The following GKAP1 variants were observed in gnomAD, a reference collection of about 807,000 sequenced individuals.
GKAP1 encodes G kinase anchoring protein 1.
GKAP1 carries 31 observed loss-of-function variants against 56.7 expected under a neutral mutation model. The ratio of observed to expected loss-of-function variants is 0.55; its 90% CI spans 0.41 to 0.74. The LOEUF (loss-of-function observed/expected upper bound fraction) is 0.74, where lower values mean the gene tolerates loss of function less well. GKAP1 is among the 30% of genes least tolerant of loss of function. GKAP1 has a pLI of 0.00. For missense variants in GKAP1, 364 were observed against 402.3 expected (o/e 0.90, Z 0.82); for synonymous variants, 151 against 138.6 (o/e 1.09, Z -0.63).
At chr9:83,805,338 G>A (rs563240048) in intron 3 of GKAP1, among the ~76,000 whole-genome samples, 4 of 152,146 alleles carry the variant, frequency 2.6e-5, no homozygotes, top group African/African-American at 7.2e-5. Flanking sequence ...GCGGAAGGCC[G>A]CAGGGTCCTC....
intron 8 of GKAP1, among the ~76,000 whole-genome samples, chr9:83,764,541 T>C (rs1343859754): frequency 2.0e-5 from 3 of 152,066 alleles, no homozygotes; most frequent in East Asian, 1.9e-4. Context: ...GGGGCTGCTA[T>C]AAAGATACCT....
At chr9:83,771,695 A>G (rs919677724) in intron 7 of GKAP1, among the ~76,000 whole-genome samples, 2 of 152,218 alleles carry the variant, frequency 1.3e-5, no homozygotes, top group Non-Finnish European at 2.9e-5. Context: ...GCTAAGGGAT[A>G]CAGGCATAAC....
intron 12 of GKAP1, among the ~76,000 whole-genome samples, chr9:83,740,458 A>G (rs564516450): frequency 2.7e-4 from 41 of 152,310 alleles, no homozygotes; most frequent in Non-Finnish European, 4.6e-4. Flanking sequence ...TGCAAAGAAT[A>G]AAATTAAAAT....
intron 5 of GKAP1, among the ~76,000 whole-genome samples, chr9:83,786,478 T>G (rs1587723968): frequency 6.6e-6 from 1 of 150,734 alleles, no homozygotes; most frequent in South Asian, 2.1e-4. Context: ...GAGGCGGGGG[T>G]TGTGGTGAAC....
At chr9:83,753,226 A>C (rs1943422446) in intron 9 of GKAP1, 32 bp downstream of exon 9, 2 of 1,251,736 alleles carry the variant, frequency 1.6e-6, no homozygotes, top group Non-Finnish European at 2.3e-6. Context: ...TTATAGAATT[A>C]TTTTCTTTAA....
chr9:83,786,196 AC>A (rs1398341880), intron 5 of GKAP1, among the ~76,000 whole-genome samples: 2 of 152,242 alleles, frequency 1.3e-5, no homozygotes, highest in Non-Finnish European at 2.9e-5. Flanking sequence ...CTCAAGGGGC[AC>A]ACTTTGGCTA....
intron 7 of GKAP1, among the ~76,000 whole-genome samples, chr9:83,771,780 A>G (rs919143078): frequency 1.3e-5 from 2 of 152,356 alleles, no homozygotes; most frequent in Middle Eastern, 6.8e-3. Flanking sequence ...AAATACAGAA[A>G]TGCTAAAAAC....
At position 83,816,031 on chromosome 9, in the gene GKAP1, C is replaced by CAAAAA. The variant is rs72114457; in HGVS notation, c.-44+960_-44+964dup. 2.5e-4 allele frequency among the ~76,000 whole-genome samples: 23 copies of CAAAAA among 91,420 alleles called. 1 individual carries two copies. Among genetic ancestry groups the CAAAAA allele is most frequent in the African/African-American group, 8.1e-4 (21 of 25,880 alleles). 60.0% of individuals were successfully genotyped at this position (91,420 alleles called of 152,430 possible). On this transcript the variant is annotated intron_variant, in intron 2 of 12. Transcript: ENST00000376371. ...CGAAACACCGTCTGTATTAAAAATACAAAAAAAAAAAAAAAAAAAATTAGC... is the reference window on the plus strand; with the variant it reads ...CGAAACACCGTCTGTATTAAAAATACAAAAAAAAAAAAAAAAAAAAAAAAATTAGC...
chr9:83,788,488 GA>G (rs1186637259), intron 5 of GKAP1, 112 bp downstream of exon 5: 11 of 584,118 alleles, frequency 1.9e-5, no homozygotes, highest in Non-Finnish European at 3.3e-5. Context: ...TTATGGTAAT[GA>G]ATTTTTGGAC....
chr9:83,752,367 G>A (rs1317747389), intron 9 of GKAP1, among the ~76,000 whole-genome samples: 2 of 152,184 alleles, frequency 1.3e-5, no homozygotes, highest in African/African-American at 4.8e-5. Context: ...GGTGAGCCAA[G>A]ACTGTGCCAC....
At chr9:83,805,743 G>A (rs748648035) in intron 3 of GKAP1, among the ~76,000 whole-genome samples, 9 of 152,098 alleles carry the variant, frequency 5.9e-5, no homozygotes, top group Non-Finnish European at 1.3e-4. Context: ...ATCTATAAAT[G>A]ACCTGTTTCC....
At chr9:83,793,022 T>A (rs907149783) in intron 4 of GKAP1, 1 of 1,273,972 alleles carries the variant, frequency 7.8e-7, no homozygotes, top group African/African-American at 1.5e-5. Context: ...CCCCATCTAG[T>A]AGTAAAACAT....
At chr9:83,744,131 T>C (rs1564186603) in intron 10 of GKAP1, among the ~76,000 whole-genome samples, 1 of 152,194 alleles carries the variant, frequency 6.6e-6, no homozygotes, top group African/African-American at 2.4e-5. Context: ...CTTTTACAAA[T>C]TATGCTTTCT....
At chr9:83,795,404 G>A (rs553389684) in intron 4 of GKAP1, among the ~76,000 whole-genome samples, 1 of 152,020 alleles carries the variant, frequency 6.6e-6, no homozygotes, top group Non-Finnish European at 1.5e-5. Flanking sequence ...ATAGATACAA[G>A]TTAGCTGCTA....
At chr9:83,758,931 G>A (rs1943522825) in intron 8 of GKAP1, among the ~76,000 whole-genome samples, 1 of 151,968 alleles carries the variant, frequency 6.6e-6, no homozygotes, top group African/African-American at 2.4e-5. Context: ...AAGAGAAGTG[G>A]AGAATTTTTT....
intron 3 of GKAP1, among the ~76,000 whole-genome samples, chr9:83,802,925 T>C (rs1231044462): frequency 1.3e-5 from 2 of 151,532 alleles, no homozygotes; most frequent in African/African-American, 4.8e-5. Flanking sequence ...TTGAGCAACA[T>C]GATGAAACCC....
intron 8 of GKAP1, 97 bp from the exon 9 acceptor site, chr9:83,753,456 C>T: frequency 1.3e-6 from 1 of 794,334 alleles, no homozygotes; most frequent in Non-Finnish European, 2.1e-6. Context: ...AAAATTCTGA[C>T]CTTAATTTTC....
chr9:83,817,468 G>T (rs2131339098), intron 1 of GKAP1, 49 bp downstream of exon 1: 1 of 151,616 alleles, frequency 6.6e-6, no homozygotes, highest in African/African-American at 2.4e-5. Context: ...TACGCCTCCG[G>T]GGTGCCGGAG....
intron 4 of GKAP1, among the ~76,000 whole-genome samples, chr9:83,796,139 C>T (rs1944242885): frequency 1.3e-5 from 2 of 151,848 alleles, no homozygotes; most frequent in African/African-American, 4.8e-5. Flanking sequence ...ACTATGTTGC[C>T]CAGGCCAGTC....
Sources: allele counts gnomAD v4.1 joint callset (sites outside exome capture counted in the v4.1 genomes callset), GRCh38; gene constraint gnomAD v4.1.1; transcripts MANE v1.5; gene names NCBI Gene and HGNC (gene_info 2026-07-23, HGNC 2026-07-21).